Variants in ATP9B observed in about 807,000 individuals in gnomAD.
ATP9B encodes the protein probable phospholipid-transporting ATPase IIB.
In ATP9B, 110 loss-of-function variants were observed where a neutral mutation model predicts 146.1. The ratio of observed to expected loss-of-function variants is 0.75; its 90% confidence interval spans 0.65 to 0.88. ATP9B has a LOEUF of 0.88. Ranked by LOEUF, ATP9B falls within the 40% of genes least tolerant of loss-of-function variation. The pLI is 0.00. For synonymous variants in ATP9B, 604 were observed against 569.7 expected, an observed-to-expected ratio of 1.06 and a Z score of -0.86; for missense variants, 1,499 against 1,496.4, an observed-to-expected ratio of 1.00 and a Z score of -0.03.
chr18:79,074,951 T>G (rs925190172), intron 1 of ATP9B, among the ~76,000 whole-genome samples: 1 of 152,274 alleles, frequency 6.6e-6, no homozygotes, highest in African/African-American at 2.4e-5. Flanking sequence ...TGACTCAACC[T>G]GTATGTTGGT....
At chr18:79,352,756 GC>G (rs1225398721) in intron 25 of ATP9B, 1 of 152,142 alleles carries the variant, frequency 6.6e-6, no homozygotes, top group African/African-American at 2.4e-5. Flanking sequence ...GGGTTCTAGG[GC>G]CCCCCAACCT....
chr18:79,156,780 TAAC>T (rs2094789494), intron 7 of ATP9B, among the ~76,000 whole-genome samples: 1 of 152,214 alleles, frequency 6.6e-6, no homozygotes. Context: ...CTGCTCTTCT[TAAC>T]AATAATGTAA....
chr18:79,301,347 T>C (rs1474590617), intron 13 of ATP9B, among the ~76,000 whole-genome samples: 1 of 152,124 alleles, frequency 6.6e-6, no homozygotes, highest in Non-Finnish European at 1.5e-5. Context: ...CAAAAATTAG[T>C]TGGGTGTGGT....
chr18:79,306,369 A>G (rs568049676), intron 14 of ATP9B, among the ~76,000 whole-genome samples: 1 of 152,332 alleles, frequency 6.6e-6, no homozygotes, highest in Non-Finnish European at 1.5e-5. Flanking sequence ...AGAGCCAGGC[A>G]CACACATAAG....
intron 6 of ATP9B, among the ~76,000 whole-genome samples, chr18:79,147,730 TGGG>T (rs2147512506): frequency 6.6e-6 from 1 of 152,078 alleles, no homozygotes; most frequent in Non-Finnish European, 1.5e-5. Context: ...GCAGAGGTCT[TGGG>T]TCAGTAATCT....
At chr18:79,289,074 A>G (rs1433468935) in intron 13 of ATP9B, among the ~76,000 whole-genome samples, 1 of 152,010 alleles carries the variant, frequency 6.6e-6, no homozygotes, top group African/African-American at 2.4e-5. Flanking sequence ...AACTTTGGTG[A>G]ATCTGACAAT....
chr18:79,089,504 T>C lies in ATP9B; in HGVS notation c.120-6972T>C, dbSNP rs76999587. Among the ~76,000 whole-genome samples, 267 of 152,312 alleles carry C rather than the reference T, an allele frequency of 1.8e-3. 3 individuals carry two copies. The highest frequency in any genetic ancestry group is 6.0e-3 in the African/African-American group (251 of 41,562). ...GTCTCTGTGCTAGTTGGCCAGTCTT[T>C]TTAGGCCTTCAGAGATTGGTTGCTT... is the stretch of plus-strand genomic sequence containing the variant. On this transcript the variant is annotated intron_variant, in intron 1 of 29. Coordinates refer to ENST00000426216, the MANE Select transcript of ATP9B (RefSeq NM_198531.5).
At chr18:79,076,671 T>TC (rs2072658211) in intron 1 of ATP9B, among the ~76,000 whole-genome samples, 1 of 152,216 alleles carries the variant, frequency 6.6e-6, no homozygotes, top group Admixed American at 6.5e-5. Context: ...TTGCTTAGTA[T>TC]CCTAATTCTA....
intron 26 of ATP9B, 155 bp downstream of exon 26, chr18:79,359,617 G>A: frequency 1.6e-6 from 1 of 630,642 alleles, no homozygotes; most frequent in Non-Finnish European, 2.8e-6. Context: ...CCTAATTGTT[G>A]TTGGCATTTT....
chr18:79,167,025 C>T (rs2094978066), intron 7 of ATP9B, among the ~76,000 whole-genome samples: 1 of 152,134 alleles, frequency 6.6e-6, no homozygotes, highest in South Asian at 2.1e-4. Flanking sequence ...TAAGCGACTT[C>T]CACTGTGGGC....
chr18:79,149,071 G>A (rs1001929570), intron 6 of ATP9B, among the ~76,000 whole-genome samples: 1 of 152,174 alleles, frequency 6.6e-6, no homozygotes, highest in African/African-American at 2.4e-5. Context: ...GGAGCATTCT[G>A]CATTCCAGTT....
chr18:79,372,788 T>A (rs1291073925), intron 26 of ATP9B, 37 bp from the exon 27 acceptor site: 1 of 1,416,760 alleles, frequency 7.1e-7, no homozygotes, highest in African/African-American at 1.4e-5. Flanking sequence ...AGCAGGTGGT[T>A]CTGCGCACTA....
intron 17 of ATP9B, among the ~76,000 whole-genome samples, chr18:79,333,950 C>G (rs1212591543): frequency 6.6e-6 from 1 of 152,190 alleles, no homozygotes; most frequent in Non-Finnish European, 1.5e-5. Context: ...TCAACAACAT[C>G]TGGATGGAGA....
chr18:79,091,458 A>T (rs1335867258), intron 1 of ATP9B, among the ~76,000 whole-genome samples: 8 of 152,094 alleles, frequency 5.3e-5, no homozygotes, highest in Non-Finnish European at 1.0e-4. Context: ...AATTGCCTTC[A>T]TCAGTGTTTT....
chr18:79,318,023 G>A (rs2096691606), intron 15 of ATP9B, among the ~76,000 whole-genome samples: 1 of 152,290 alleles, frequency 6.6e-6, no homozygotes. Context: ...AGCAAAGTCA[G>A]TTGTACTGGA....
rs558460533 is a variant in ATP9B at position 79,323,056 on chromosome 18, T to C, written c.1774-6085T>C. On this transcript the variant is annotated intron_variant, in intron 15 of 29. Coordinates refer to ENST00000426216, the MANE Select transcript of ATP9B (RefSeq NM_198531.5). ...CAATATGCAGTGATCAAATCGGTAATTGGGATACCCGTCACCTCAAGCATT... is the reference window on the plus strand; with the variant it reads ...CAATATGCAGTGATCAAATCGGTAACTGGGATACCCGTCACCTCAAGCATT... Among the ~76,000 whole-genome samples, 38 of 152,360 alleles carry C rather than the reference T, an allele frequency of 2.5e-4. No homozygotes were observed. In the South Asian group the frequency reaches 5.8e-3, roughly 23 times the overall value.
At chr18:79,368,085 G>T (rs752592059) in intron 26 of ATP9B, among the ~76,000 whole-genome samples, 1 of 152,082 alleles carries the variant, frequency 6.6e-6, no homozygotes, top group Non-Finnish European at 1.5e-5. Context: ...CCATGGCCCC[G>T]GGTGAGCTGG....
At chr18:79,206,632 A>G (rs984790964) in intron 9 of ATP9B, among the ~76,000 whole-genome samples, 45 of 59,576 alleles carry the variant, frequency 7.6e-4, no homozygotes, top group Non-Finnish European at 2.2e-3. Flanking sequence ...TCATAAATAA[A>G]TAAATAAATA....
At chr18:79,340,152 C>G (rs2096850697) in intron 19 of ATP9B, 1 of 152,176 alleles carries the variant, frequency 6.6e-6, no homozygotes, top group Admixed American at 6.5e-5. Context: ...TAGTGAACTT[C>G]ACCTCAGTCT....
Sources: allele counts gnomAD v4.1 joint callset (sites outside exome capture counted in the v4.1 genomes callset), GRCh38; gene constraint gnomAD v4.1.1; transcripts MANE v1.5; gene names NCBI Gene and HGNC (gene_info 2026-07-23, HGNC 2026-07-21).